Variants in ZBTB14 observed in about 807,000 individuals in gnomAD.
ZBTB14 encodes zinc finger and BTB domain-containing protein 14.
Under a neutral mutation model 29.5 loss-of-function variants are expected in ZBTB14, and 8 were observed. That is an observed-to-expected ratio of 0.27 (90% CI 0.16 to 0.49). The LOEUF is 0.49. Ranked by LOEUF, ZBTB14 falls within the 20% of genes least tolerant of loss-of-function variation. The pLI, the probability that ZBTB14 is intolerant of heterozygous loss-of-function variation, is 0.99. For missense variants in ZBTB14, 333 were observed against 563.8 expected, an observed-to-expected ratio of 0.59 and a Z score of 4.15; for synonymous variants, 226 against 207.2, an observed-to-expected ratio of 1.09 and a Z score of -0.78.
At chr18:5,293,364 C>A in intron 2 of ZBTB14, 37 bp from the exon 3 acceptor site, 1 of 1,013,570 alleles carries the variant, frequency 9.9e-7, no homozygotes, top group Non-Finnish European at 1.5e-6. Context: ...GAGGTAGGAT[C>A]TTCCTGTATC....
intron 3 of ZBTB14, among the ~76,000 whole-genome samples, chr18:5,292,541 T>A (rs2071840386): frequency 6.6e-6 from 1 of 152,216 alleles, no homozygotes; most frequent in South Asian, 2.1e-4. Context: ...ATCTGCCCAA[T>A]ATTCTATAGC....
upstream of ZBTB14, chr18:5,296,226 CACGCGCGCGCACGCGCGCGGCTTGGG>C (rs993700610): frequency 1.3e-5 from 2 of 150,024 alleles, no homozygotes; most frequent in Non-Finnish European, 3.0e-5. Flanking sequence ...CTGGCCTGCG[CACGCGCGCGCACGCGCGCGGCTTGGG>C]GCGCGCGGAG....
At position 5,290,730 on chromosome 18, in the gene ZBTB14, T is replaced by G; in HGVS notation, c.*128A>C. On this transcript the variant is annotated 3_prime_UTR_variant, in exon 4 of 4. Coordinates refer to ENST00000651870, the MANE Select transcript of ZBTB14 (RefSeq NM_001243702.2). ...GTCTTAAAAATAGCTAACCAAGCACTGCCTTAAGTCCAGTGAGTACAATGT... is the reference window on the plus strand; with the variant it reads ...GTCTTAAAAATAGCTAACCAAGCACGGCCTTAAGTCCAGTGAGTACAATGT... The G allele has an allele frequency of 7.1e-7, 1 of 1,403,024 alleles. No individual in the cohort carries two copies. The highest frequency in any genetic ancestry group is 2.4e-5 in the Admixed American group (1 of 42,154). The allele number at this position is 1,403,024 out of a possible 1,614,324, so 86.9% of individuals were successfully genotyped here.
intron 3 of ZBTB14, 63 bp from the exon 4 acceptor site, chr18:5,292,267 ACAT>A: frequency 7.8e-7 from 1 of 1,285,486 alleles, no homozygotes; most frequent in African/African-American, 1.5e-5. Flanking sequence ...GAACACAGTC[ACAT>A]TTTCATTTCC....
intron 2 of ZBTB14, 94 bp from the exon 3 acceptor site, chr18:5,293,421 T>A: frequency 4.3e-6 from 3 of 699,114 alleles, no homozygotes; most frequent in Non-Finnish European, 7.1e-6. Flanking sequence ...AACTTTCTTG[T>A]TCCCTCTTTT....
At chr18:5,295,905 C>T (rs995381966), upstream of ZBTB14, 1 of 150,932 alleles carries the variant, frequency 6.6e-6, no homozygotes, top group African/African-American at 2.4e-5. Context: ...GGCGCGGGGG[C>T]ACGGTGGGTG....
chr18:5,294,454 A>G (rs1239432399), intron 1 of ZBTB14, among the ~76,000 whole-genome samples: 1 of 152,176 alleles, frequency 6.6e-6, no homozygotes, highest in Non-Finnish European at 1.5e-5. Flanking sequence ...ATGACAACAT[A>G]TCAATGTGTT....
intron 3 of ZBTB14, 114 bp downstream of exon 3, chr18:5,293,130 A>G (rs2071856094): frequency 1.7e-6 from 2 of 1,160,184 alleles, no homozygotes; most frequent in Admixed American, 2.7e-5. Flanking sequence ...TATTCGGCTA[A>G]TATTTTCCCC....
At position 5,291,454 on chromosome 18, in the gene ZBTB14, G is replaced by A. The variant is rs747257231; in HGVS notation, c.754C>T (p.Gln252Ter). 1 of 1,614,198 alleles carries A rather than the reference G, an allele frequency of 6.2e-7. No homozygotes were observed. The highest frequency in any genetic ancestry group is 8.5e-7 in the Non-Finnish European group (1 of 1,180,044). Residue 252 changes from glutamine (Q) to a stop codon, truncating the protein, a stop_gained, in exon 4 of 4, where the codon CAG becomes TAG. Coordinates refer to ENST00000651870, the MANE Select transcript of ZBTB14 (RefSeq NM_001243702.2). LOFTEE classifies it high-confidence loss of function. This position sits in a 1 kb window ranked among gnomAD's most constrained non-coding sequence, Gnocchi z 5.8. ...NDGMSEVKDEQTPGWTTAASD... is the reference protein window; with the variant it reads ...NDGMSEVKDE The stretch of plus-strand genomic sequence containing the variant: ...GCGGCTGTTGTCCAGCCTGGTGTCT[G>A]TTCATCTTTCACTTCACTCATCCCA...
Position 5,291,046 on chromosome 18 carries a change from G to C in ZBTB14, c.1162C>G (p.Pro388Ala). Residue 388 changes from proline to alanine, a missense_variant, in exon 4 of 4, where the codon CCT (proline) becomes GCT (alanine). By Grantham distance (27) the Pro-to-Ala change is conservative. Transcript: ENST00000651870. The surrounding 1 kb of genome is among the most constrained non-coding windows in gnomAD (Gnocchi z 5.8). ...TTGGTGCAGGAGCCACACACAAAAG[G>C]CTTTTCCCCTCTGTGTCTTCTTTCA... Reference protein sequence around the residue: ...DHERRHRGEKPFVCGSCTKAF... With the variant: ...DHERRHRGEKAFVCGSCTKAF... 6.2e-7 allele frequency: 1 copy of C among 1,614,246 alleles called. No individual in the cohort carries two copies. Among genetic ancestry groups the C allele is most frequent in the Non-Finnish European group, 8.5e-7 (1 of 1,180,046 alleles).
chr18:5,291,639 G>A lies in ZBTB14; in HGVS notation c.569C>T (p.Ser190Leu), dbSNP rs774626025. 4 of 1,613,936 alleles carry A rather than the reference G, an allele frequency of 2.5e-6. No homozygotes were observed. The East Asian group carries it at 6.7e-5, about 27-fold the overall frequency. ...GTPPSQEDGK[S>L]PTTTLRVQEA... ...CTGAACCCTGAGCGTTGTGGTGGGC[G>A]ACTTGCCGTCCTCCTGACTCGGGGG... The change falls in exon 4 of 4, where the codon TCG (serine) becomes TTG (leucine). Residue 190 changes from serine (S) to leucine (L), a missense_variant. Physicochemically the swap from Ser to Leu is moderately radical, Grantham distance 145. This residue lies in a region of ZBTB14 where 126 missense variants were observed against 132.2 expected (regional missense o/e 0.95). Coordinates refer to ENST00000651870, the MANE Select transcript of ZBTB14 (RefSeq NM_001243702.2). This position sits in a 1 kb window ranked among gnomAD's most constrained non-coding sequence, Gnocchi z 5.8.
rs755346237 is a variant in ZBTB14, at chr18:5,291,246, T to C, written c.962A>G (p.Lys321Arg). 1.2e-6 allele frequency: 2 copies of C among 1,614,266 alleles called. No homozygotes were observed. Among genetic ancestry groups the C allele is most frequent in the South Asian group, 2.2e-5 (2 of 91,090 alleles). ...TKGFTTQAHL[K>R]EHLKIHTGYK... Reference sequence around the variant, plus strand: ...TCCTGTGTGGATTTTTAGGTGTTCTTTCAGGTGGGCCTGTGTGGTGAAACC... The same window carrying C: ...TCCTGTGTGGATTTTTAGGTGTTCTCTCAGGTGGGCCTGTGTGGTGAAACC... Residue 321 changes from lysine to arginine, a missense_variant, in exon 4 of 4, where the codon AAA becomes AGA. Physicochemically the swap from Lys to Arg is conservative, Grantham distance 26. This residue lies in a region of ZBTB14 where 140 missense variants were observed against 274.6 expected (regional missense o/e 0.51). Coordinates refer to ENST00000651870, the MANE Select transcript of ZBTB14 (RefSeq NM_001243702.2). This position sits in a 1 kb window ranked among gnomAD's most constrained non-coding sequence, Gnocchi z 5.8.
Position 5,290,314 on chromosome 18 carries a change from C to T in ZBTB14, c.*544G>A, listed in dbSNP as rs191512764. The T allele has an allele frequency of 1.1e-3, 162 of 152,674 alleles. No individual in the cohort carries two copies. Among genetic ancestry groups the T allele is most frequent in the Admixed American group, 2.0e-3 (31 of 15,314 alleles). 9.5% of individuals were successfully genotyped at this position (152,674 alleles called of 1,614,324 possible). On this transcript the variant is annotated 3_prime_UTR_variant, in exon 4 of 4. Coordinates refer to ENST00000651870, the MANE Select transcript of ZBTB14 (RefSeq NM_001243702.2). ...GTGAAAAACAGTGATATAAAATTAA[C>T]AAACCAAATATAAATCTAACGCCAT... is the stretch of plus-strand genomic sequence containing the variant.
At chr18:5,296,225 GCA>G (rs1458186409), upstream of ZBTB14, 1 of 150,028 alleles carries the variant, frequency 6.7e-6, no homozygotes, top group African/African-American at 2.5e-5. Context: ...CCTGGCCTGC[GCA>G]CGCGCGCGCA....
chr18:5,294,708 G>C (rs1003657008), intron 1 of ZBTB14: 1 of 152,328 alleles, frequency 6.6e-6, no homozygotes, highest in Non-Finnish European at 1.5e-5. Flanking sequence ...TTCATAATAA[G>C]GCTGCCCCTT....
rs1235008040 is a variant in ZBTB14, at chr18:5,291,177, C to T, written c.1031G>A (p.Arg344His). ...SCEVCGKSFI[R>H]APDLKKHERV... ...CTCATGCTTCTTTAAGTCTGGGGCACGGATAAATGATTTTCCACACACCTC... is the reference window on the plus strand; with the variant it reads ...CTCATGCTTCTTTAAGTCTGGGGCATGGATAAATGATTTTCCACACACCTC... The change falls in exon 4 of 4, where the codon CGT becomes CAT. Residue 344 changes from arginine to histidine, a missense_variant. Transcript: ENST00000651870. This position sits in a 1 kb window ranked among gnomAD's most constrained non-coding sequence, Gnocchi z 5.8. The T allele has an allele frequency of 5.0e-6, 8 of 1,614,224 alleles. No individual in the cohort carries two copies. The highest frequency in any genetic ancestry group is 2.2e-5 in the South Asian group (2 of 91,086).
chr18:5,290,733 C>CAG lies in ZBTB14; in HGVS notation c.*124_*125insCT. On this transcript the variant is annotated 3_prime_UTR_variant, in exon 4 of 4. Transcript: ENST00000651870. ...TTAAAAATAGCTAACCAAGCACTGC[C>CAG]TTAAGTCCAGTGAGTACAATGTTCC... The CAG allele has an allele frequency of 7.0e-7, 1 of 1,422,248 alleles. No homozygotes were observed. The highest frequency in any genetic ancestry group is 9.5e-7 in the Non-Finnish European group (1 of 1,055,268). The allele number at this position is 1,422,248 out of a possible 1,614,324, so 88.1% of individuals were successfully genotyped here. A position where few individuals can be genotyped will look rare whatever the true frequency, so the allele number is the denominator to read the frequency against.
In ZBTB14 at chr18:5,289,539, A is replaced by G. The variant is rs1300222810; in HGVS notation, c.*1319T>C. The G allele has an allele frequency of 6.6e-6, 1 of 152,212 alleles. No individual in the cohort carries two copies. The highest frequency in any genetic ancestry group is 1.5e-5 in the Non-Finnish European group (1 of 68,016). 9.4% of individuals were successfully genotyped at this position (152,212 alleles called of 1,614,324 possible). On this transcript the variant is annotated 3_prime_UTR_variant, in exon 4 of 4. Transcript: ENST00000651870. ...ATTGTTGGCATTTCAATATATTCCT[A>G]AAGATGGTTAAAAGAACATTTAGTA...
At chr18:5,295,891 T>G (rs1200864409), upstream of ZBTB14, 3 of 148,714 alleles carry the variant, frequency 2.0e-5, no homozygotes, top group Non-Finnish European at 3.0e-5. Context: ...CCGGAGGGGC[T>G]CGGGGCGCGG....
Sources: allele counts gnomAD v4.1 joint callset (sites outside exome capture counted in the v4.1 genomes callset), GRCh38; gene constraint gnomAD v4.1.1; regional missense constraint gnomAD v4.1.1; non-coding constraint Gnocchi (gnomAD v3.1); transcripts MANE v1.5; gene names NCBI Gene and HGNC (gene_info 2026-07-23, HGNC 2026-07-21).